Variants in ZNF462 observed in about 807,000 individuals in gnomAD.
ZNF462 encodes the protein zinc finger protein 462.
In ZNF462, 10 loss-of-function variants were observed where a neutral mutation model predicts 201.9. The observed-to-expected ratio is 0.05, with a 90% CI of 0.03 to 0.08. The LOEUF is 0.08. Ranked by LOEUF, ZNF462 falls within the 10% of genes least tolerant of loss-of-function variation. The pLI is 1.00. For synonymous variants in ZNF462, 1,227 were observed against 1,193.3 expected, an observed-to-expected ratio of 1.03 and a Z score of -0.58; for missense variants, 2,523 against 3,168.3, an observed-to-expected ratio of 0.80 and a Z score of 4.89.
At position 107,010,731 on chromosome 9, in the gene ZNF462, T is replaced by C. The variant is rs184152559; in HGVS notation, c.7314-92T>C. The C allele has an allele frequency of 7.9e-7, 1 of 1,264,784 alleles. No homozygotes were observed. Among genetic ancestry groups the C allele is most frequent in the African/African-American group, 1.5e-5 (1 of 66,136 alleles). The allele number at this position is 1,264,784 out of a possible 1,614,324, so 78.3% of individuals were successfully genotyped here. A position where few individuals can be genotyped will look rare whatever the true frequency, so the allele number is the denominator to read the frequency against. ...CAAGGCTTTTTGAGGATCAGGAAAA[T>C]AAAGACACTCGAGGGTTTTTATTAT... On this transcript the variant is annotated intron_variant, in intron 12 of 12. Coordinates refer to ENST00000277225, the MANE Select transcript of ZNF462 (RefSeq NM_021224.6). The surrounding 1 kb of genome is among the most constrained non-coding windows in gnomAD (Gnocchi z 4.6).
chr9:106,921,916 A>G (rs757099581), intron 1 of ZNF462, among the ~76,000 whole-genome samples: 3 of 152,202 alleles, frequency 2.0e-5, no homozygotes, highest in African/African-American at 7.2e-5. Context: ...TTTATTGAAA[A>G]AGGATAAATT....
At chr9:106,864,437 G>A (rs1024721849) in intron 1 of ZNF462, among the ~76,000 whole-genome samples, 3 of 152,024 alleles carry the variant, frequency 2.0e-5, no homozygotes, top group Non-Finnish European at 4.4e-5. Context: ...CCAGGCACGA[G>A]GGGAAGCCGC....
rs1223130387 is a variant in ZNF462 at position 106,920,752 on chromosome 9, G to C, written c.-30-2602G>C. On this transcript the variant is annotated intron_variant, in intron 1 of 12. Transcript: ENST00000277225. The surrounding 1 kb of genome is among the most constrained non-coding windows in gnomAD (Gnocchi z 4.3). ...AGCTTCAGAAGACACCAAGATATTA[G>C]AGAACTACATAGAGAGATGAATTTC... 6.6e-6 allele frequency among the ~76,000 whole-genome samples: 1 copy of C among 152,116 alleles called. No individual in the cohort carries two copies. The highest frequency in any genetic ancestry group is 1.5e-5 in the Non-Finnish European group (1 of 68,020).
chr9:106,869,743 C>T (rs997848479), intron 1 of ZNF462, among the ~76,000 whole-genome samples: 7 of 151,916 alleles, frequency 4.6e-5, no homozygotes, highest in African/African-American at 1.7e-4. Context: ...GTTTGCATGC[C>T]AGTACTAAAG....
chr9:106,952,682 CTA>C (rs1831404617), intron 7 of ZNF462, among the ~76,000 whole-genome samples: 1 of 152,180 alleles, frequency 6.6e-6, no homozygotes. Context: ...GACATCATTA[CTA>C]TAATTATTAC....
rs1826543158 is a variant in ZNF462, at chr9:106,970,505, C to G, written c.6428-1500C>G. Among the ~76,000 whole-genome samples the G allele has an allele frequency of 6.6e-6, 1 of 152,160 alleles. No individual in the cohort carries two copies. The highest frequency in any genetic ancestry group is 1.5e-5 in the Non-Finnish European group (1 of 68,042). On this transcript the variant is annotated intron_variant, in intron 7 of 12. Coordinates refer to ENST00000277225, the MANE Select transcript of ZNF462 (RefSeq NM_021224.6). The surrounding 1 kb of genome is among the most constrained non-coding windows in gnomAD (Gnocchi z 4.2). ...GGGTTTTAGAGAATTCCTCCATGTC[C>G]TGCCTTAGGGAATTATGCTTTGGAA...
rs749043269 is a variant in ZNF462, at chr9:107,003,353, G to A, written c.7116G>A (p.Lys2372=). Residue 2372 remains lysine, a synonymous_variant, in exon 11 of 13, where the codon AAG becomes AAA. Transcript: ENST00000277225. This position sits in a 1 kb window ranked among gnomAD's most constrained non-coding sequence, Gnocchi z 4.4. ...ACTTGGATCAGCTGGAACAGATGAA[G>A]GAGAAAATGGAGAGCTCCAGCAGCG... ...RVNLDQLEQM[K]EKMESSSSDD... is the part of the protein sequence containing the mutation. 12 of 1,613,830 alleles carry A rather than the reference G, an allele frequency of 7.4e-6. No homozygotes were observed. In the African/African-American group the frequency reaches 1.6e-4, roughly 22 times the overall value.
At chr9:106,945,808 T>G (rs2131700891) in intron 7 of ZNF462, among the ~76,000 whole-genome samples, 2 of 152,338 alleles carry the variant, frequency 1.3e-5, no homozygotes, top group South Asian at 4.1e-4. Context: ...AAAGTGGCAT[T>G]GAAGACCCCG....
rs1289908251 is a variant in ZNF462 at position 106,883,242 on chromosome 9, T to C, written c.-31+19887T>C. The stretch of plus-strand genomic sequence containing the variant: ...TGCGCTGCAGAGCAGTTTCCTGTTA[T>C]TTGGTTAATGGTTGACCTAGTTCTA... On this transcript the variant is annotated intron_variant, in intron 1 of 12. Coordinates refer to ENST00000277225, the MANE Select transcript of ZNF462 (RefSeq NM_021224.6). This position sits in a 1 kb window ranked among gnomAD's most constrained non-coding sequence, Gnocchi z 4.9. Among the ~76,000 whole-genome samples, 1 of 152,202 alleles carries C rather than the reference T, an allele frequency of 6.6e-6. No individual in the cohort carries two copies. Among genetic ancestry groups the C allele is most frequent in the African/African-American group, 2.4e-5 (1 of 41,456 alleles).
At chr9:106,947,257 A>G (rs1000182581) in intron 7 of ZNF462, among the ~76,000 whole-genome samples, 19 of 152,334 alleles carry the variant, frequency 1.2e-4, no homozygotes, top group African/African-American at 4.1e-4. Flanking sequence ...ATTTCCCAGC[A>G]CACTGCTTGT....
intron 1 of ZNF462, among the ~76,000 whole-genome samples, chr9:106,906,058 C>T (rs148309142): frequency 3.9e-5 from 6 of 152,186 alleles, no homozygotes; most frequent in Non-Finnish European, 2.9e-5. Context: ...CCAGTGAGAT[C>T]CCAGGGCCTT....
chr9:106,899,077 A>C (rs908914382), intron 1 of ZNF462, among the ~76,000 whole-genome samples: 1 of 152,004 alleles, frequency 6.6e-6, no homozygotes, highest in Non-Finnish European at 1.5e-5. Context: ...TGGAGAATTT[A>C]AATAGTTTGT....
chr9:106,863,860 GC>G (rs1333839525), intron 1 of ZNF462, among the ~76,000 whole-genome samples: 1 of 151,664 alleles, frequency 6.6e-6, no homozygotes, highest in Non-Finnish European at 1.5e-5. Context: ...TGAGCCGAGA[GC>G]CAGAGGGAGC....
At position 106,962,220 on chromosome 9, in the gene ZNF462, G is replaced by A. The variant is rs1831874172; in HGVS notation, c.6428-9785G>A. Reference sequence around the variant, plus strand: ...CACGAGGGCCTGAACAAAAGCCATGGCAGTGGGCTAGTGAGTGGATCACAG... The same window carrying A: ...CACGAGGGCCTGAACAAAAGCCATGACAGTGGGCTAGTGAGTGGATCACAG... On this transcript the variant is annotated intron_variant, in intron 7 of 12. Coordinates refer to ENST00000277225, the MANE Select transcript of ZNF462 (RefSeq NM_021224.6). The surrounding 1 kb of genome is among the most constrained non-coding windows in gnomAD (Gnocchi z 4.6). Among the ~76,000 whole-genome samples, 1 of 152,060 alleles carries A rather than the reference G, an allele frequency of 6.6e-6. No individual in the cohort carries two copies. Among genetic ancestry groups the A allele is most frequent in the Non-Finnish European group, 1.5e-5 (1 of 67,972 alleles).
intron 7 of ZNF462, among the ~76,000 whole-genome samples, chr9:106,946,521 T>TC (rs1355293971): frequency 3.0e-4 from 45 of 152,200 alleles, no homozygotes; most frequent in Non-Finnish European, 5.7e-4. Context: ...CTGTTCTGTG[T>TC]GAGAGGATTT....
intron 1 of ZNF462, among the ~76,000 whole-genome samples, chr9:106,901,682 T>C (rs1349166857): frequency 3.9e-5 from 6 of 152,122 alleles, no homozygotes; most frequent in African/African-American, 7.2e-5. Context: ...TTGCAGCTAT[T>C]GTAAAAGGGG....
At chr9:106,915,734 A>C (rs1447097268) in intron 1 of ZNF462, among the ~76,000 whole-genome samples, 1 of 152,228 alleles carries the variant, frequency 6.6e-6, no homozygotes, top group Non-Finnish European at 1.5e-5. Context: ...GGAGGACTTG[A>C]AAGCATTTAC....
chr9:106,892,358 G>T (rs1397283198), intron 1 of ZNF462, among the ~76,000 whole-genome samples: 2 of 152,060 alleles, frequency 1.3e-5, no homozygotes, highest in Non-Finnish European at 2.9e-5. Context: ...ATTTGCTTTA[G>T]GTTTTTACCA....
rs1038240151 is a variant in ZNF462 at position 106,926,925 on chromosome 9, A to C, written c.3013A>C (p.Asn1005His). Residue 1005 changes from asparagine to histidine, a missense_variant, in exon 3 of 13, where the codon AAC (asparagine) becomes CAC (histidine). This residue lies in a region of ZNF462 where 280 missense variants were observed against 321.3 expected (regional missense o/e 0.87). Transcript: ENST00000277225. This position sits in a 1 kb window ranked among gnomAD's most constrained non-coding sequence, Gnocchi z 7.9. The part of the protein sequence containing the change: ...ARGGGLPATF[N>H]KNTPKTFTPE... ...TGGTGGTGGTTTGCCAGCTACGTTC[A>C]ACAAAAACACTCCTAAGACCTTTAC... 6.2e-7 allele frequency: 1 copy of C among 1,614,024 alleles called. No individual in the cohort carries two copies. Among genetic ancestry groups the C allele is most frequent in the Non-Finnish European group, 8.5e-7 (1 of 1,180,038 alleles).
Sources: allele counts gnomAD v4.1 joint callset (sites outside exome capture counted in the v4.1 genomes callset), GRCh38; gene constraint gnomAD v4.1.1; regional missense constraint gnomAD v4.1.1; non-coding constraint Gnocchi (gnomAD v3.1); transcripts MANE v1.5; gene names NCBI Gene and HGNC (gene_info 2026-07-23, HGNC 2026-07-21).